Variants in TNRC6A observed in about 807,000 individuals in gnomAD.
The protein encoded by TNRC6A is trinucleotide repeat containing adaptor 6A, also known as trinucleotide repeat-containing gene 6A protein.
Under a neutral mutation model 221.2 loss-of-function variants are expected in TNRC6A, and 44 were observed. The ratio of observed to expected loss-of-function variants is 0.20; its 90% CI spans 0.16 to 0.26. TNRC6A has a LOEUF of 0.26. Among genes scored for constraint, TNRC6A ranks in the 10% least tolerant of loss-of-function variants. TNRC6A has a pLI of 1.00. For missense variants in TNRC6A, 2,199 were observed against 2,404.4 expected, an observed-to-expected ratio of 0.91 and a Z score of 1.79; for synonymous variants, 847 against 838.5, an observed-to-expected ratio of 1.01 and a Z score of -0.18.
At chr16:24,730,496 TAA>T (rs371676645) in intron 2 of TNRC6A, among the ~76,000 whole-genome samples, 196 bp downstream of exon 2, 95 of 135,048 alleles carry the variant, frequency 7.0e-4, no homozygotes, top group East Asian at 1.0e-3. Flanking sequence ...TTTCTTTCTT[TAA>T]AAAAAAAAAA....
chr16:24,714,661 C>T (rs1226915616), intron 2 of TNRC6A, among the ~76,000 whole-genome samples: 10 of 152,076 alleles, frequency 6.6e-5, no homozygotes, highest in Non-Finnish European at 1.2e-4. Flanking sequence ...GTAGTTTTTA[C>T]CTCCAGAAGT....
intron 2 of TNRC6A, among the ~76,000 whole-genome samples, chr16:24,682,706 G>A (rs2055556036): frequency 6.6e-6 from 1 of 152,132 alleles, no homozygotes; most frequent in Admixed American, 6.6e-5. Context: ...GGTGGGAAAT[G>A]TGACTTTAAG....
intron 1 of TNRC6A, among the ~76,000 whole-genome samples, chr16:24,627,887 T>C (rs1596554909): frequency 6.6e-6 from 1 of 150,742 alleles, no homozygotes; most frequent in African/African-American, 2.4e-5. Flanking sequence ...TTAGTAGAGA[T>C]GGGGTTTCAT....
intron 1 of TNRC6A, among the ~76,000 whole-genome samples, chr16:24,622,678 C>T (rs17769165): frequency 0.022 from 3,350 of 152,244 alleles, 60 homozygotes; most frequent in Middle Eastern, 0.041. Context: ...AACATGCCTC[C>T]AAAACCAGCC....
Position 24,789,344 on chromosome 16 carries a change from G to C in TNRC6A, c.702G>C (p.Ser234=). ...AGAATGCTGTTGTAAGTGACTTGTC[G>C]GAAAAAGAAGCATGGCCCTCAGCCC... ...NCKNAVVSDL[S]EKEAWPSAPG... The change falls in exon 6 of 25, where the codon TCG becomes TCC. Residue 234 remains serine (S), a synonymous_variant. Transcript: ENST00000395799. The C allele has an allele frequency of 6.2e-7, 1 of 1,614,154 alleles. No homozygotes were observed. The highest frequency in any genetic ancestry group is 8.5e-7 in the Non-Finnish European group (1 of 1,180,034).
chr16:24,802,975 A>AT (rs761294620), intron 11 of TNRC6A, among the ~76,000 whole-genome samples: 1 of 152,166 alleles, frequency 6.6e-6, no homozygotes, highest in Admixed American at 6.5e-5. Flanking sequence ...AGAGAAGATC[A>AT]TTTTTTATTG....
intron 4 of TNRC6A, among the ~76,000 whole-genome samples, chr16:24,759,890 T>C (rs962081318): frequency 6.6e-6 from 1 of 152,190 alleles, no homozygotes; most frequent in Non-Finnish European, 1.5e-5. Flanking sequence ...GGATGCGGAA[T>C]GTAGGGAGGA....
chr16:24,679,204 G>C (rs2055481668), intron 2 of TNRC6A, among the ~76,000 whole-genome samples: 2 of 152,058 alleles, frequency 1.3e-5, no homozygotes, highest in Non-Finnish European at 2.9e-5. Flanking sequence ...CTCCATGTTA[G>C]TCAGGCTGGT....
intron 2 of TNRC6A, among the ~76,000 whole-genome samples, chr16:24,649,182 A>G (rs1902480217): frequency 1.3e-5 from 2 of 152,200 alleles, no homozygotes; most frequent in South Asian, 4.1e-4. Context: ...AAAATTGTAT[A>G]TATTTATGAT....
chr16:24,689,989 TAA>T (rs60944175), intron 2 of TNRC6A, among the ~76,000 whole-genome samples: 27 of 97,504 alleles, frequency 2.8e-4, no homozygotes, highest in South Asian at 7.7e-4. Flanking sequence ...AGGCTTAAAG[TAA>T]AAAAAAAAAA....
chr16:24,612,658 G>A (rs1900114589), intron 1 of TNRC6A, among the ~76,000 whole-genome samples: 1 of 151,766 alleles, frequency 6.6e-6, no homozygotes, highest in South Asian at 2.1e-4. Context: ...TCAGGAGGAG[G>A]ATAGCTTGAG....
At chr16:24,745,069 A>C (rs1013604833) in intron 2 of TNRC6A, among the ~76,000 whole-genome samples, 1 of 152,172 alleles carries the variant, frequency 6.6e-6, no homozygotes, top group African/African-American at 2.4e-5. Flanking sequence ...GATAATTGTC[A>C]GTTATTGTAA....
chr16:24,823,726 C>T lies in TNRC6A; in HGVS notation c.5808C>T (p.Asp1936=). 6.5e-7 allele frequency: 1 copy of T among 1,544,286 alleles called. No homozygotes were observed. Among genetic ancestry groups the T allele is most frequent in the Non-Finnish European group, 8.7e-7 (1 of 1,147,034 alleles). ...TGTGGGGTCCCCCAAGCAGCAGCGA[C>T]CCCCGAGGAATTAGCAGCCCATCTC... ...TSLWGPPSSS[D]PRGISSPSPI... The change falls in exon 25 of 25, where the codon GAC becomes GAT. Residue 1936 remains aspartate (D), a synonymous_variant. Transcript: ENST00000395799. The surrounding 1 kb of genome is among the most constrained non-coding windows in gnomAD (Gnocchi z 4.3).
chr16:24,803,270 T>A (rs886234663), intron 11 of TNRC6A, among the ~76,000 whole-genome samples: 20 of 151,064 alleles, frequency 1.3e-4, no homozygotes, highest in African/African-American at 4.6e-4. Context: ...AATAAAAAAA[T>A]TAGCTGGGTG....
chr16:24,825,601 C>T lies in TNRC6A; in HGVS notation c.*1794C>T, dbSNP rs954032781. The T allele has an allele frequency of 6.6e-6, 1 of 152,668 alleles. No homozygotes were observed. Among genetic ancestry groups the T allele is most frequent in the Non-Finnish European group, 1.5e-5 (1 of 68,050 alleles). 9.5% of individuals were successfully genotyped at this position (152,668 alleles called of 1,614,324 possible). ...TTGAACATTTTATCTGAACTCATCACAATTTCACCCTGAAATAATGTGAGA... is the reference window on the plus strand; with the variant it reads ...TTGAACATTTTATCTGAACTCATCATAATTTCACCCTGAAATAATGTGAGA... On this transcript the variant is annotated 3_prime_UTR_variant, in exon 25 of 25. Coordinates refer to ENST00000395799, the MANE Select transcript of TNRC6A (RefSeq NM_014494.4).
At chr16:24,769,013 G>A (rs922373252) in intron 4 of TNRC6A, among the ~76,000 whole-genome samples, 3 of 152,078 alleles carry the variant, frequency 2.0e-5, no homozygotes, top group Admixed American at 6.5e-5. Context: ...GTTTATTAAG[G>A]TGACATAAAG....
chr16:24,666,338 T>A (rs1391551606), intron 2 of TNRC6A, among the ~76,000 whole-genome samples: 2 of 151,686 alleles, frequency 1.3e-5, no homozygotes, highest in Non-Finnish European at 2.9e-5. Flanking sequence ...CCAGGCGTGG[T>A]GGCAGGTGCC....
intron 5 of TNRC6A, among the ~76,000 whole-genome samples, chr16:24,780,687 C>T (rs1372961666): frequency 2.6e-5 from 4 of 151,862 alleles, no homozygotes; most frequent in Admixed American, 2.0e-4. Flanking sequence ...ATATTAGTAA[C>T]GCATTTCTTA....
intron 2 of TNRC6A, among the ~76,000 whole-genome samples, chr16:24,672,614 G>C (rs1232106314): frequency 6.6e-6 from 1 of 151,742 alleles, no homozygotes; most frequent in Non-Finnish European, 1.5e-5. Flanking sequence ...GCTAATTTTT[G>C]CTATTTTTTG....
Sources: allele counts gnomAD v4.1 joint callset (sites outside exome capture counted in the v4.1 genomes callset), GRCh38; gene constraint gnomAD v4.1.1; non-coding constraint Gnocchi (gnomAD v3.1); transcripts MANE v1.5; gene names NCBI Gene and HGNC (gene_info 2026-07-23, HGNC 2026-07-21).